Variants in BCLAF1 observed in about 807,000 individuals in gnomAD.
BCLAF1 encodes BCL2 associated transcription factor 1.
A neutral mutation model predicts 99.5 loss-of-function variants in BCLAF1; 10 were observed. The observed-to-expected ratio is 0.10, with a 90% CI of 0.06 to 0.17. The LOEUF (loss-of-function observed/expected upper bound fraction) is 0.17, where lower values mean the gene tolerates loss of function less well. BCLAF1 is among the 10% of genes least tolerant of loss of function. The pLI is 1.00. For missense variants in BCLAF1, 636 were observed against 1,105.8 expected, an observed-to-expected ratio of 0.58 and a Z score of 6.02; for synonymous variants, 255 against 370.9, an observed-to-expected ratio of 0.69 and a Z score of 3.59.
At chr6:136,269,159 T>G in intron 9 of BCLAF1, 1 of 1,253,924 alleles carries the variant, frequency 8.0e-7, no homozygotes, top group Non-Finnish European at 1.0e-6. Flanking sequence ...TTTCTAGAAA[T>G]GCACTGCATT....
intron 11 of BCLAF1, among the ~76,000 whole-genome samples, chr6:136,264,310 G>A (rs367788508): frequency 2.0e-5 from 3 of 152,062 alleles, no homozygotes; most frequent in African/African-American, 7.2e-5. Flanking sequence ...GGGTTCAAGC[G>A]ATTCTCCTGC....
chr6:136,277,562 A>G (rs1419925466), intron 4 of BCLAF1, among the ~76,000 whole-genome samples: 1 of 152,142 alleles, frequency 6.6e-6, no homozygotes, highest in Non-Finnish European at 1.5e-5. Context: ...GTCTTGCTCT[A>G]TCGCCCAGGC....
chr6:136,271,267 T>C (rs1782492357), intron 8 of BCLAF1, among the ~76,000 whole-genome samples: 1 of 151,890 alleles, frequency 6.6e-6, no homozygotes, highest in Non-Finnish European at 1.5e-5. Context: ...CCAAGTCCCC[T>C]AATCTCTTCA....
chr6:136,275,312 T>G (rs1262977619), intron 6 of BCLAF1, among the ~76,000 whole-genome samples: 2 of 152,128 alleles, frequency 1.3e-5, no homozygotes, highest in Admixed American at 1.3e-4. Context: ...TAGCATATGG[T>G]TTCTCCAGCA....
chr6:136,271,091 T>C (rs1388942400), intron 8 of BCLAF1, among the ~76,000 whole-genome samples: 1 of 151,796 alleles, frequency 6.6e-6, no homozygotes, highest in African/African-American at 2.4e-5. Flanking sequence ...TAACAGCTTC[T>C]AGTAACAAAC....
In BCLAF1 at chr6:136,256,969, A is replaced by T. The variant is rs186891949; in HGVS notation, c.*4141T>A. On this transcript the variant is annotated 3_prime_UTR_variant, in exon 13 of 13. Coordinates refer to ENST00000531224, the MANE Select transcript of BCLAF1 (RefSeq NM_014739.3). ...ACAGTTCAAGCTGTGATTATAAATCATTTCACACCACCTAAACATACAGTG... is the reference window on the plus strand; with the variant it reads ...ACAGTTCAAGCTGTGATTATAAATCTTTTCACACCACCTAAACATACAGTG... 6.6e-6 allele frequency: 1 copy of T among 152,304 alleles called. No individual in the cohort carries two copies. Among genetic ancestry groups the T allele is most frequent in the East Asian group, 1.9e-4 (1 of 5,188 alleles). 9.4% of individuals were successfully genotyped at this position (152,304 alleles called of 1,614,324 possible). A position where few individuals can be genotyped will look rare whatever the true frequency, so the allele number is the denominator to read the frequency against.
intron 7 of BCLAF1, among the ~76,000 whole-genome samples, 194 bp downstream of exon 7, chr6:136,272,887 CT>C (rs1222878023): frequency 1.3e-5 from 2 of 151,904 alleles, no homozygotes; most frequent in African/African-American, 4.8e-5. Flanking sequence ...ATTTCAAGTT[CT>C]AACAACCAGT....
chr6:136,265,596 C>T (rs1175219401), intron 11 of BCLAF1, among the ~76,000 whole-genome samples: 1 of 152,174 alleles, frequency 6.6e-6, no homozygotes, highest in East Asian at 1.9e-4. Context: ...TTTTCCCACA[C>T]TTATACCAAC....
chr6:136,273,503 G>A (rs1334195143), intron 6 of BCLAF1: 1 of 205,294 alleles, frequency 4.9e-6, no homozygotes, highest in Non-Finnish European at 9.9e-6. Context: ...ATCTATGGAT[G>A]CTCTAATACC....
intron 9 of BCLAF1, among the ~76,000 whole-genome samples, chr6:136,268,856 A>G (rs1313677385): frequency 6.6e-6 from 1 of 151,986 alleles, no homozygotes; most frequent in East Asian, 1.9e-4. Context: ...GCAAGGAAAA[A>G]GATTATCTAT....
intron 1 of BCLAF1, 68 bp from the exon 2 acceptor site, chr6:136,282,755 A>G (rs1784546728): frequency 6.6e-6 from 1 of 152,256 alleles, no homozygotes; most frequent in Non-Finnish European, 1.5e-5. Context: ...TACAATGCAT[A>G]TAATGGGCAC....
At position 136,257,107 on chromosome 6, in the gene BCLAF1, C is replaced by T. The variant is rs938188972; in HGVS notation, c.*4003G>A. 5 of 152,176 alleles carry T rather than the reference C, an allele frequency of 3.3e-5. No homozygotes were observed. The highest frequency in any genetic ancestry group is 1.2e-4 in the African/African-American group (5 of 41,442). The allele number at this position is 152,176 out of a possible 1,614,324, so 9.4% of individuals were successfully genotyped here. A position where few individuals can be genotyped will look rare whatever the true frequency, so the allele number is the denominator to read the frequency against. ...TCGATGTATATTCTTGGGGGAAAGG[C>T]ATTAAAGCCTGCTCACCCAACCTTT... is the stretch of plus-strand genomic sequence containing the variant. On this transcript the variant is annotated 3_prime_UTR_variant, in exon 13 of 13. Coordinates refer to ENST00000531224, the MANE Select transcript of BCLAF1 (RefSeq NM_014739.3).
In BCLAF1 at chr6:136,267,129, G is replaced by A. The variant is rs752971536; in HGVS notation, c.2444C>T (p.Thr815Ile). The change falls in exon 11 of 13, where the codon ACA (threonine) becomes ATA (isoleucine). Residue 815 changes from threonine to isoleucine, a missense_variant. Around this residue, in one of 9 missense-constraint regions of BCLAF1, gnomAD observed 30 missense variants for 22.9 expected, o/e 1.31. Coordinates refer to ENST00000531224, the MANE Select transcript of BCLAF1 (RefSeq NM_014739.3). ...RGRARGVFAG[T>I]NTGPNNSNTT... is the part of the protein sequence containing the mutation. ...ATTTGAGTTGTTTGGACCAGTATTTGTCCCAGCAAAAACTCCTCTGGCTCT... is the reference window on the plus strand; with the variant it reads ...ATTTGAGTTGTTTGGACCAGTATTTATCCCAGCAAAAACTCCTCTGGCTCT... The A allele has an allele frequency of 6.2e-7, 1 of 1,612,992 alleles. No homozygotes were observed. Among genetic ancestry groups the A allele is most frequent in the East Asian group, 2.2e-5 (1 of 44,816 alleles).
Position 136,257,883 on chromosome 6 carries a change from T to C in BCLAF1, c.*3227A>G, listed in dbSNP as rs1207023015. On this transcript the variant is annotated 3_prime_UTR_variant, in exon 13 of 13. Coordinates refer to ENST00000531224, the MANE Select transcript of BCLAF1 (RefSeq NM_014739.3). ...CAGTTGAAACCCAGAAAAAGAAAAA[T>C]AAGAAAAGTTAAACAAATGTTAATA... The C allele has an allele frequency of 1.3e-5, 2 of 151,898 alleles. No homozygotes were observed. Among genetic ancestry groups the C allele is most frequent in the East Asian group, 3.9e-4 (2 of 5,182 alleles). 9.4% of individuals were successfully genotyped at this position (151,898 alleles called of 1,614,324 possible).
intron 11 of BCLAF1, among the ~76,000 whole-genome samples, chr6:136,261,970 A>G (rs1367110547): frequency 1.3e-5 from 2 of 152,162 alleles, no homozygotes; most frequent in Non-Finnish European, 1.5e-5. Context: ...TAGATTTTAA[A>G]TCTACTGAGA....
At chr6:136,274,614 T>G (rs811753) in intron 6 of BCLAF1, among the ~76,000 whole-genome samples, 123,999 of 151,868 alleles carry the variant, frequency 0.82, 51,015 homozygotes, top group African/African-American at 0.92. Context: ...ATCTATTACA[T>G]TGAGCTGTTC....
intron 4 of BCLAF1, 57 bp from the exon 5 acceptor site, chr6:136,276,565 T>C: frequency 6.7e-7 from 1 of 1,503,152 alleles, no homozygotes; most frequent in Non-Finnish European, 8.8e-7. Context: ...TGTAGATCGC[T>C]TCCATATTTA....
In BCLAF1 at chr6:136,282,785, C is replaced by T. The variant is rs190011816; in HGVS notation, c.-114-98G>A. The T allele has an allele frequency of 1.4e-3, 219 of 152,212 alleles. 1 individual carries two copies. Among genetic ancestry groups the T allele is most frequent in the African/African-American group, 4.2e-3 (176 of 41,524 alleles). 9.4% of individuals were successfully genotyped at this position (152,212 alleles called of 1,614,324 possible). A position where few individuals can be genotyped will look rare whatever the true frequency, so the allele number is the denominator to read the frequency against. On this transcript the variant is annotated intron_variant, in intron 1 of 12. Transcript: ENST00000531224. Reference sequence around the variant, plus strand: ...GGGCACTGCCATAAACTCTAATAAACGCACTTACAATTTCAGGGAAGGAAA... The same window carrying T: ...GGGCACTGCCATAAACTCTAATAAATGCACTTACAATTTCAGGGAAGGAAA...
At chr6:136,274,117 C>T in intron 6 of BCLAF1, 1 of 1,288,770 alleles carries the variant, frequency 7.8e-7, no homozygotes, top group South Asian at 1.2e-5. Context: ...GAAGATTCAA[C>T]TTTGCCTGTA....
Sources: gnomAD v4.1 joint callset for allele counts (sites outside exome capture counted in the v4.1 genomes callset) on GRCh38, gnomAD v4.1.1 for gene constraint, gnomAD v4.1.1 regional missense constraint, MANE v1.5 for transcripts, NCBI Gene and HGNC (gene_info 2026-07-23, HGNC 2026-07-21) for gene names.